The following RAP1GAP2 variants were observed in gnomAD, a reference collection of about 807,000 sequenced individuals.
The protein encoded by RAP1GAP2 is rap1 GTPase-activating protein 2.
A neutral mutation model predicts 95.0 loss-of-function variants in RAP1GAP2; 27 were observed. The ratio of observed to expected loss-of-function variants is 0.28; its 90% CI spans 0.21 to 0.39. The LOEUF (loss-of-function observed/expected upper bound fraction) is 0.39. RAP1GAP2 is among the 10% of genes least tolerant of loss of function. RAP1GAP2 has a pLI of 1.00. For synonymous variants in RAP1GAP2, 373 were observed against 380.9 expected (o/e 0.98, Z 0.24); for missense variants, 771 against 970.0 (o/e 0.79, Z 2.72).
intron 3 of RAP1GAP2, among the ~76,000 whole-genome samples, chr17:2,940,737 G>A (rs1203738259): frequency 1.3e-5 from 2 of 152,210 alleles, no homozygotes; most frequent in Admixed American, 1.3e-4. Context: ...AACATGGGGG[G>A]CCCACGCGGA....
rs1028903422 is a variant in RAP1GAP2, at chr17:2,919,991, G to A, written c.165+14623G>A. On this transcript the variant is annotated intron_variant, in intron 3 of 24. Transcript: ENST00000254695. ...GCTGGGATGACAGGCGTGAGCCGCC[G>A]CATCTGGCCTCCTTTTTTCTTTTTT... Among the ~76,000 whole-genome samples, 3 of 150,062 alleles carry A rather than the reference G, an allele frequency of 2.0e-5. No homozygotes were observed. In the South Asian group the frequency reaches 6.3e-4, roughly 32 times the overall value.
intron 2 of RAP1GAP2, among the ~76,000 whole-genome samples, chr17:2,820,101 C>T (rs2070216118): frequency 1.3e-5 from 2 of 152,088 alleles, no homozygotes; most frequent in South Asian, 4.1e-4. Flanking sequence ...TTTTTGGTGC[C>T]ATGCATATTA....
chr17:2,822,038 C>T (rs926707818), intron 2 of RAP1GAP2, among the ~76,000 whole-genome samples: 1 of 152,150 alleles, frequency 6.6e-6, no homozygotes, highest in African/African-American at 2.4e-5. Context: ...AGGCGGCAAG[C>T]TGGTGTCTGG....
chr17:2,769,609 AAAAG>A (rs2068350068), intron 1 of RAP1GAP2, among the ~76,000 whole-genome samples: 3 of 151,730 alleles, frequency 2.0e-5, no homozygotes, highest in Non-Finnish European at 4.4e-5. Flanking sequence ...AATAAAATAA[AAAAG>A]AAAAAATAAG....
chr17:2,994,771 C>T lies in RAP1GAP2; in HGVS notation c.915-566C>T, dbSNP rs375927433. On this transcript the variant is annotated intron_variant, in intron 12 of 24. Coordinates refer to ENST00000254695, the MANE Select transcript of RAP1GAP2 (RefSeq NM_015085.5). ...CCCATATAACCAGCAAGTGTGGACACGGCACAGCCAAGGCTTGAGATGGAG... is the reference window on the plus strand; with the variant it reads ...CCCATATAACCAGCAAGTGTGGACATGGCACAGCCAAGGCTTGAGATGGAG... Among the ~76,000 whole-genome samples the T allele has an allele frequency of 1.7e-3, 257 of 152,322 alleles. 2 individuals carry two copies. The highest frequency in any genetic ancestry group is 5.8e-3 in the African/African-American group (240 of 41,568).
chr17:2,949,876 C>T (rs1367006104), intron 3 of RAP1GAP2, among the ~76,000 whole-genome samples: 1 of 152,186 alleles, frequency 6.6e-6, no homozygotes, highest in Non-Finnish European at 1.5e-5. Flanking sequence ...GTGGGGCCGG[C>T]CCAGCCAAGG....
At chr17:2,821,479 G>A (rs2070303876) in intron 2 of RAP1GAP2, among the ~76,000 whole-genome samples, 1 of 148,988 alleles carries the variant, frequency 6.7e-6, no homozygotes, top group African/African-American at 2.5e-5. Context: ...AGGCTCAAGC[G>A]ATCCTCCCAC....
At chr17:2,795,272 T>G (rs1486922727), upstream of RAP1GAP2, among the ~76,000 whole-genome samples, 5 of 151,090 alleles carry the variant, frequency 3.3e-5, no homozygotes, top group Middle Eastern at 3.2e-3. Flanking sequence ...CTGTGCCCAC[T>G]CCCCCCAGTG....
In RAP1GAP2 at chr17:3,037,624, G is replaced by T. The variant is rs1031052754; in HGVS notation, c.*4263G>T. 14 of 152,298 alleles carry T rather than the reference G, an allele frequency of 9.2e-5. No homozygotes were observed. Among genetic ancestry groups the T allele is most frequent in the African/African-American group, 3.1e-4 (13 of 41,322 alleles). The allele number at this position is 152,298 out of a possible 1,614,324, so 9.4% of individuals were successfully genotyped here. ...TAATGTACATTTAATTTATTGCTATGGTAGCACATTGTATTTGTTAATGTA... is the reference window on the plus strand; with the variant it reads ...TAATGTACATTTAATTTATTGCTATTGTAGCACATTGTATTTGTTAATGTA... On this transcript the variant is annotated 3_prime_UTR_variant, in exon 25 of 25. Coordinates refer to ENST00000254695, the MANE Select transcript of RAP1GAP2 (RefSeq NM_015085.5).
At chr17:2,852,315 C>A (rs1270452389) in intron 2 of RAP1GAP2, among the ~76,000 whole-genome samples, 1 of 150,096 alleles carries the variant, frequency 6.7e-6, no homozygotes, top group African/African-American at 2.5e-5. Flanking sequence ...TCTGATCCCC[C>A]ACAACCCCGG....
intron 1 of RAP1GAP2, among the ~76,000 whole-genome samples, chr17:2,784,820 A>G (rs1199606643): frequency 2.6e-5 from 4 of 152,130 alleles, no homozygotes; most frequent in African/African-American, 9.7e-5. Context: ...CCTGGGACAC[A>G]TGTTGCTGAT....
At chr17:2,893,241 A>G (rs1425100469) in intron 2 of RAP1GAP2, among the ~76,000 whole-genome samples, 4 of 151,996 alleles carry the variant, frequency 2.6e-5, no homozygotes, top group South Asian at 4.1e-4. Context: ...TGGTTTCTCC[A>G]TGTTGGCCAG....
chr17:2,802,823 T>C (rs1221857666), intron 2 of RAP1GAP2, among the ~76,000 whole-genome samples: 5 of 152,168 alleles, frequency 3.3e-5, no homozygotes, highest in Non-Finnish European at 7.4e-5. Context: ...GACCCCCATG[T>C]CTGTGCTGGC....
rs1403200810 is a variant in RAP1GAP2, at chr17:3,003,924, G to T, written c.1201-1445G>T. ...CAGGGCTCTGCTGTGGGACTGTCCA[G>T]CTGGAGGGTTGGATGGACTTGAGGA... On this transcript the variant is annotated intron_variant, in intron 14 of 24. Transcript: ENST00000254695. This position sits in a 1 kb window ranked among gnomAD's most constrained non-coding sequence, Gnocchi z 4.1. Among the ~76,000 whole-genome samples, 1 of 152,176 alleles carries T rather than the reference G, an allele frequency of 6.6e-6. No individual in the cohort carries two copies. The highest frequency in any genetic ancestry group is 2.4e-5 in the African/African-American group (1 of 41,440).
intron 13 of RAP1GAP2, among the ~76,000 whole-genome samples, chr17:2,996,306 C>T (rs374852753): frequency 2.6e-5 from 4 of 152,324 alleles, no homozygotes; most frequent in East Asian, 1.9e-4. Flanking sequence ...GGGAGAGCCG[C>T]GGCTGGTTCC....
At chr17:2,813,434 CCAAGGGATACA>C (rs1229050969) in intron 2 of RAP1GAP2, among the ~76,000 whole-genome samples, 1 of 152,162 alleles carries the variant, frequency 6.6e-6, no homozygotes, top group East Asian at 1.9e-4. Flanking sequence ...AAGCACTTCC[CCAAGGGATACA>C]CAAGTGTGGT....
chr17:2,996,858 C>T (rs2045976282), intron 13 of RAP1GAP2, among the ~76,000 whole-genome samples: 1 of 152,206 alleles, frequency 6.6e-6, no homozygotes, highest in South Asian at 2.1e-4. Flanking sequence ...AAAACAGGTG[C>T]TCAGTGAATG....
rs774413687 is a variant in RAP1GAP2, at chr17:3,020,612, C to T, written c.1751+17C>T. 2.5e-6 allele frequency: 4 copies of T among 1,608,416 alleles called. No homozygotes were observed. The African/African-American group carries it at 4.0e-5, about 16-fold the overall frequency. On this transcript the variant is annotated intron_variant, in intron 19 of 24. Coordinates refer to ENST00000254695, the MANE Select transcript of RAP1GAP2 (RefSeq NM_015085.5). ...GGCACGATGGTAACTGTTGGGAAAC[C>T]CCTACCCCAGCCTGACTTGCGGGGT...
At chr17:2,852,538 T>C (rs1258534166) in intron 2 of RAP1GAP2, among the ~76,000 whole-genome samples, 1 of 152,214 alleles carries the variant, frequency 6.6e-6, no homozygotes, top group African/African-American at 2.4e-5. Flanking sequence ...CCACCCAGCA[T>C]GGTCCCCTCC....
Sources: allele counts gnomAD v4.1 joint callset (sites outside exome capture counted in the v4.1 genomes callset), GRCh38; gene constraint gnomAD v4.1.1; non-coding constraint Gnocchi (gnomAD v3.1); transcripts MANE v1.5; gene names NCBI Gene and HGNC (gene_info 2026-07-23, HGNC 2026-07-21).